Variants in FARS2 observed in about 807,000 individuals in gnomAD.
FARS2 encodes the protein phenylalanine--tRNA ligase, mitochondrial.
Under a neutral mutation model 46.4 loss-of-function variants are expected in FARS2, and 40 were observed. The ratio of observed to expected loss-of-function variants is 0.86; its 90% CI spans 0.67 to 1.12. FARS2 has a LOEUF of 1.12. FARS2 is among the 50% of genes most tolerant of loss of function. The probability of loss-of-function intolerance (pLI) is 0.00; values close to 1 mark genes in which losing one functional copy is unlikely to be tolerated. For synonymous variants in FARS2, 234 were observed against 214.9 expected (o/e 1.09, Z -0.78); for missense variants, 513 against 567.9 (o/e 0.90, Z 0.98).
chr6:5,760,351 T>C (rs779093941), intron 6 of FARS2, among the ~76,000 whole-genome samples: 3 of 152,256 alleles, frequency 2.0e-5, no homozygotes, highest in Non-Finnish European at 4.4e-5. Context: ...TCTCATGTCC[T>C]CTGCCTATCT....
At chr6:5,502,591 A>G (rs865941146) in intron 4 of FARS2, among the ~76,000 whole-genome samples, 1 of 152,250 alleles carries the variant, frequency 6.6e-6, no homozygotes. Flanking sequence ...AAATCTATTG[A>G]AGAAGGCTTC....
At chr6:5,604,533 G>A (rs968779680) in intron 5 of FARS2, among the ~76,000 whole-genome samples, 4 of 152,140 alleles carry the variant, frequency 2.6e-5, no homozygotes, top group Non-Finnish European at 4.4e-5. Flanking sequence ...GGCCCTCGGC[G>A]GACCCCAGGC....
intron 6 of FARS2, among the ~76,000 whole-genome samples, chr6:5,698,594 AT>A (rs1420760355): frequency 6.6e-6 from 1 of 152,178 alleles, no homozygotes; most frequent in Admixed American, 6.5e-5. Flanking sequence ...TAGGTGAGTT[AT>A]TAGGATCAAG....
intron 4 of FARS2, among the ~76,000 whole-genome samples, chr6:5,450,835 G>A (rs1046266069): frequency 1.2e-4 from 18 of 152,000 alleles, no homozygotes; most frequent in Non-Finnish European, 2.6e-4. Flanking sequence ...GCCCTGCTTG[G>A]AATCCCTGGA....
At chr6:5,456,155 A>G (rs1039571863) in intron 4 of FARS2, among the ~76,000 whole-genome samples, 1 of 151,980 alleles carries the variant, frequency 6.6e-6, no homozygotes, top group South Asian at 2.1e-4. Context: ...TCGAGGCTGC[A>G]GTGAGCTGTG....
chr6:5,582,663 G>A (rs1273423120), intron 5 of FARS2, among the ~76,000 whole-genome samples: 1 of 152,200 alleles, frequency 6.6e-6, no homozygotes, highest in African/African-American at 2.4e-5. Flanking sequence ...ATAACTCTAA[G>A]TTTGTGTGTA....
chr6:5,692,962 A>T (rs1304952968), intron 6 of FARS2, among the ~76,000 whole-genome samples: 1 of 152,144 alleles, frequency 6.6e-6, no homozygotes, highest in Non-Finnish European at 1.5e-5. Context: ...AGAAATGAGG[A>T]TCCTTATAGA....
intron 4 of FARS2, among the ~76,000 whole-genome samples, chr6:5,464,590 C>T (rs895450615): frequency 4.6e-5 from 7 of 152,150 alleles, no homozygotes; most frequent in African/African-American, 1.7e-4. Context: ...GAGAACATTC[C>T]TTAGTAGTGT....
chr6:5,496,083 T>C (rs577242796), intron 4 of FARS2, among the ~76,000 whole-genome samples: 1 of 152,362 alleles, frequency 6.6e-6, no homozygotes, highest in South Asian at 2.1e-4. Context: ...CTAATTCTTC[T>C]ACTTTCTTCC....
chr6:5,265,588 G>A (rs956033754), intron 1 of FARS2, among the ~76,000 whole-genome samples: 2 of 152,192 alleles, frequency 1.3e-5, no homozygotes, highest in Non-Finnish European at 2.9e-5. Flanking sequence ...ATTTACCTGT[G>A]CATTCAAGAG....
intron 1 of FARS2, among the ~76,000 whole-genome samples, chr6:5,364,069 A>G (rs1758492761): frequency 1.3e-5 from 2 of 152,102 alleles, no homozygotes; most frequent in Admixed American, 1.3e-4. Context: ...AACAACAAAA[A>G]TCCATTCTGA....
chr6:5,414,575 C>T (rs1470496196), intron 3 of FARS2, among the ~76,000 whole-genome samples: 2 of 152,132 alleles, frequency 1.3e-5, no homozygotes, highest in East Asian at 1.9e-4. Context: ...CATTTTGTAG[C>T]GTGTTATCAA....
At chr6:5,522,387 G>T (rs773303935) in intron 4 of FARS2, among the ~76,000 whole-genome samples, 2 of 152,226 alleles carry the variant, frequency 1.3e-5, no homozygotes, top group Non-Finnish European at 2.9e-5. Context: ...GGAGAATGTG[G>T]TTTTCATACA....
chr6:5,365,123 TG>T (rs1404616646), intron 1 of FARS2, among the ~76,000 whole-genome samples: 1 of 151,912 alleles, frequency 6.6e-6, no homozygotes, highest in African/African-American at 2.4e-5. Context: ...CCCTTGGGTC[TG>T]TAAATACTTA....
Position 5,629,299 on chromosome 6 carries a change from G to T in FARS2, c.1217+15979G>T, listed in dbSNP as rs79601987. On this transcript the variant is annotated intron_variant, in intron 6 of 6. Coordinates refer to ENST00000274680, the MANE Select transcript of FARS2 (RefSeq NM_006567.5). ...TGAAAAAATGTCTTAAATTAGAAAC[G>T]TGTCACCATGATTTCAAACAGGGGT... is the stretch of plus-strand genomic sequence containing the variant. 2.6e-4 allele frequency among the ~76,000 whole-genome samples: 40 copies of T among 152,292 alleles called. No homozygotes were observed. In the East Asian group the frequency reaches 4.0e-3, roughly 15 times the overall value.
At chr6:5,492,215 T>A (rs897566795) in intron 4 of FARS2, among the ~76,000 whole-genome samples, 6 of 152,238 alleles carry the variant, frequency 3.9e-5, no homozygotes, top group Non-Finnish European at 7.3e-5. Context: ...ACACTTTGAA[T>A]GGTGAAAACA....
intron 6 of FARS2, among the ~76,000 whole-genome samples, chr6:5,619,466 T>C (rs906355873): frequency 6.6e-6 from 1 of 152,176 alleles, no homozygotes; most frequent in African/African-American, 2.4e-5. Flanking sequence ...TGGGGCTTCC[T>C]GAGTCTGTGC....
rs997566335 is a variant in FARS2 at position 5,624,510 on chromosome 6, G to A, written c.1217+11190G>A. ...AGCTAGGCAGGGAGAGAAGCCGGGC[G>A]CTGAAGGAGCTGTATCTTCAATGTT... On this transcript the variant is annotated intron_variant, in intron 6 of 6. Transcript: ENST00000274680. Among the ~76,000 whole-genome samples the A allele has an allele frequency of 1.1e-4, 16 of 152,248 alleles. No individual in the cohort carries two copies. In the East Asian group the frequency reaches 2.9e-3, roughly 27 times the overall value.
chr6:5,564,327 G>A (rs895349724), intron 5 of FARS2, among the ~76,000 whole-genome samples: 14 of 152,134 alleles, frequency 9.2e-5, no homozygotes, highest in Non-Finnish European at 1.6e-4. Flanking sequence ...TCCGGGTTAT[G>A]GGCACCTTAC....
Sources: allele counts gnomAD v4.1 joint callset (sites outside exome capture counted in the v4.1 genomes callset), GRCh38; gene constraint gnomAD v4.1.1; transcripts MANE v1.5; gene names NCBI Gene and HGNC (gene_info 2026-07-23, HGNC 2026-07-21).